Variants in MACROD2 observed in about 807,000 individuals in gnomAD.
MACROD2 encodes the protein mono-ADP ribosylhydrolase 2, also known as ADP-ribose glycohydrolase MACROD2.
In MACROD2, 36 loss-of-function variants were observed where a neutral mutation model predicts 70.4. The observed-to-expected ratio is 0.51, with a 90% CI of 0.39 to 0.68. The LOEUF (loss-of-function observed/expected upper bound fraction) is 0.68, where lower values mean the gene tolerates loss of function less well. Among genes scored for constraint, MACROD2 ranks in the 30% least tolerant of loss-of-function variants. MACROD2 has a pLI of 0.00. For synonymous variants in MACROD2, 172 were observed against 178.8 expected (o/e 0.96, Z 0.30); for missense variants, 496 against 538.4 (o/e 0.92, Z 0.78).
chr20:14,912,013 G>T (rs879583574), intron 5 of MACROD2, among the ~76,000 whole-genome samples: 12 of 152,142 alleles, frequency 7.9e-5, no homozygotes, highest in Admixed American at 3.9e-4. Flanking sequence ...GGGAGATAGT[G>T]ATTAGCCCAA....
At chr20:15,475,236 G>GGAGGT (rs2047007383) in intron 7 of MACROD2, among the ~76,000 whole-genome samples, 1 of 152,084 alleles carries the variant, frequency 6.6e-6, no homozygotes, top group Admixed American at 6.5e-5. Flanking sequence ...GGAGGTCCTG[G>GGAGGT]AACCAATTCC....
intron 4 of MACROD2, among the ~76,000 whole-genome samples, chr20:14,666,404 G>A (rs2070737077): frequency 6.6e-6 from 1 of 152,044 alleles, no homozygotes; most frequent in African/African-American, 2.4e-5. Context: ...CCAGAAAGTT[G>A]GGGACTTTCT....
At chr20:14,970,896 C>T (rs1341863295) in intron 5 of MACROD2, among the ~76,000 whole-genome samples, 1 of 152,108 alleles carries the variant, frequency 6.6e-6, no homozygotes, top group Admixed American at 6.6e-5. Flanking sequence ...GGATTACAGG[C>T]ATGAGCCACC....
chr20:15,601,385 C>G lies in MACROD2; in HGVS notation c.645+101538C>G, dbSNP rs184726831. Among the ~76,000 whole-genome samples, 478 of 152,246 alleles carry G rather than the reference C, an allele frequency of 3.1e-3. 3 individuals are homozygous for G. The highest frequency in any genetic ancestry group is 5.8e-3 in the Non-Finnish European group (392 of 68,026). ...TAAATGTGTGCGCCCATTCACCCATCCCAAATGGCATATAGTCTTTTAGTG... is the reference window on the plus strand; with the variant it reads ...TAAATGTGTGCGCCCATTCACCCATGCCAAATGGCATATAGTCTTTTAGTG... On this transcript the variant is annotated intron_variant, in intron 8 of 17. Transcript: ENST00000684519.
At chr20:15,882,660 T>G (rs1371043242) in intron 9 of MACROD2, among the ~76,000 whole-genome samples, 1 of 152,082 alleles carries the variant, frequency 6.6e-6, no homozygotes, top group Non-Finnish European at 1.5e-5. Context: ...TATTCTGGTA[T>G]TCTTCTTACC....
chr20:15,469,831 C>CT (rs1207527965), intron 7 of MACROD2, among the ~76,000 whole-genome samples: 1 of 152,116 alleles, frequency 6.6e-6, no homozygotes, highest in African/African-American at 2.4e-5. Context: ...ATACCAGGCC[C>CT]TATTCTAAAG....
intron 3 of MACROD2, among the ~76,000 whole-genome samples, chr20:14,145,477 A>T (rs1327222646): frequency 6.6e-6 from 1 of 151,960 alleles, no homozygotes; most frequent in Non-Finnish European, 1.5e-5. Flanking sequence ...GAAAATATTG[A>T]CTCTTCCATT....
chr20:14,039,696 G>A (rs2258071), intron 2 of MACROD2, among the ~76,000 whole-genome samples: 149,710 of 152,196 alleles, frequency 0.98, 73,638 homozygotes, highest in East Asian at 1. Flanking sequence ...GTAAATTGGG[G>A]AACCTGTATA....
chr20:14,098,058 A>G (rs1313064282), intron 3 of MACROD2, among the ~76,000 whole-genome samples: 2 of 152,208 alleles, frequency 1.3e-5, no homozygotes, highest in African/African-American at 2.4e-5. Context: ...TGAAAATCTA[A>G]AGAAATGATG....
At chr20:15,976,327 A>G (rs1198069415) in intron 13 of MACROD2, among the ~76,000 whole-genome samples, 1 of 152,266 alleles carries the variant, frequency 6.6e-6, no homozygotes, top group Non-Finnish European at 1.5e-5. Flanking sequence ...TTTTTGGATT[A>G]TCTGTTCTAA....
intron 3 of MACROD2, among the ~76,000 whole-genome samples, chr20:14,477,507 TC>T (rs986538389): frequency 6.6e-6 from 1 of 152,198 alleles, no homozygotes; most frequent in African/African-American, 2.4e-5. Context: ...TAAGAATAGT[TC>T]CGTGTCCAAG....
chr20:14,166,869 A>C (rs1467148144), intron 3 of MACROD2, among the ~76,000 whole-genome samples: 1 of 152,212 alleles, frequency 6.6e-6, no homozygotes, highest in Admixed American at 6.5e-5. Flanking sequence ...CCCTGAACAA[A>C]TATAAACTGG....
intron 3 of MACROD2, among the ~76,000 whole-genome samples, chr20:14,160,159 T>G (rs2055164081): frequency 6.6e-6 from 1 of 152,168 alleles, no homozygotes; most frequent in Non-Finnish European, 1.5e-5. Flanking sequence ...CTATGTTCAT[T>G]AAAGATACTG....
chr20:15,891,578 T>C (rs1199254301), intron 10 of MACROD2, among the ~76,000 whole-genome samples: 2 of 152,102 alleles, frequency 1.3e-5, no homozygotes, highest in East Asian at 1.9e-4. Flanking sequence ...ATTCCAAAGG[T>C]TGAACACAGT....
chr20:15,240,578 A>G (rs142518896), intron 6 of MACROD2, among the ~76,000 whole-genome samples: 75 of 152,336 alleles, frequency 4.9e-4, no homozygotes, highest in African/African-American at 1.7e-3. Context: ...GAAAAGAAGA[A>G]GAAGAAAAAG....
intron 5 of MACROD2, among the ~76,000 whole-genome samples, chr20:14,931,333 A>T (rs2074294038): frequency 6.6e-6 from 1 of 152,148 alleles, no homozygotes; most frequent in African/African-American, 2.4e-5. Context: ...ATTATATAGC[A>T]TGTTCACTTA....
intron 5 of MACROD2, among the ~76,000 whole-genome samples, chr20:14,871,909 T>C (rs765134916): frequency 3.3e-5 from 5 of 151,738 alleles, no homozygotes; most frequent in Admixed American, 2.6e-4. Context: ...CCAACAAAGA[T>C]TAAAAAAGAC....
chr20:14,307,559 G>A (rs1164800788), intron 3 of MACROD2, among the ~76,000 whole-genome samples: 1 of 148,862 alleles, frequency 6.7e-6, no homozygotes, highest in African/African-American at 2.5e-5. Context: ...GAAATTTGAG[G>A]TTAATAAGTT....
chr20:14,751,824 G>C (rs939534249), intron 5 of MACROD2, among the ~76,000 whole-genome samples: 1 of 130,634 alleles, frequency 7.7e-6, no homozygotes, highest in African/African-American at 2.8e-5. Flanking sequence ...GGGTGAAACT[G>C]CAAAGTCACA....
Sources: gnomAD v4.1 joint callset for allele counts (sites outside exome capture counted in the v4.1 genomes callset) on GRCh38, gnomAD v4.1.1 for gene constraint, MANE v1.5 for transcripts, NCBI Gene and HGNC (gene_info 2026-07-23, HGNC 2026-07-21) for gene names.